ARSK: variants seen among roughly 807,000 people sequenced by gnomAD.
ARSK encodes the protein arylsulfatase K.
A neutral mutation model predicts 53.2 loss-of-function variants in ARSK; 37 were observed. The observed-to-expected ratio is 0.70, with a 90% CI of 0.54 to 0.92. The LOEUF (loss-of-function observed/expected upper bound fraction) is 0.92, where lower values mean the gene tolerates loss of function less well. ARSK is among the 40% of genes least tolerant of loss of function. The probability of loss-of-function intolerance (pLI) is 0.00; values close to 1 mark genes in which losing one functional copy is unlikely to be tolerated. For missense variants in ARSK, 613 were observed against 643.0 expected, an observed-to-expected ratio of 0.95 and a Z score of 0.51; for synonymous variants, 208 against 223.2, an observed-to-expected ratio of 0.93 and a Z score of 0.61.
At position 95,566,839 on chromosome 5, in the gene ARSK, T is replaced by A. The variant is rs149880983; in HGVS notation, c.256+712T>A. ...ATGGCACTCAGTGATTTGGTTTGTC[T>A]GTAAATGAGATGATTTTCTCTGTGA... is the stretch of plus-strand genomic sequence containing the variant. On this transcript the variant is annotated intron_variant, in intron 2 of 7. Coordinates refer to ENST00000380009, the MANE Select transcript of ARSK (RefSeq NM_198150.3). 3.3e-4 allele frequency among the ~76,000 whole-genome samples: 51 copies of A among 152,304 alleles called. 1 individual carries two copies. Among genetic ancestry groups the A allele is most frequent in the Middle Eastern group, 3.4e-3 (1 of 294 alleles).
At chr5:95,568,122 T>C (rs1055311079) in intron 3 of ARSK, 73 bp downstream of exon 3, 1 of 1,420,030 alleles carries the variant, frequency 7.0e-7, no homozygotes, top group African/African-American at 1.4e-5. Context: ...TTTTTGACTT[T>C]AATTTTTTTA....
intron 6 of ARSK, among the ~76,000 whole-genome samples, chr5:95,592,476 C>T (rs1252326829): frequency 6.6e-6 from 1 of 152,078 alleles, no homozygotes; most frequent in Non-Finnish European, 1.5e-5. Context: ...TAATTTAAAC[C>T]AGCGTCCTTT....
At position 95,565,555 on chromosome 5, in the gene ARSK, C is replaced by T. The variant is rs562866107; in HGVS notation, c.127-443C>T. ...AGGTCTCTCTTGTCCTTCTGTATCT[C>T]GGATTTTTTTCAAAGCACACGTCAT... On this transcript the variant is annotated intron_variant, in intron 1 of 7. Coordinates refer to ENST00000380009, the MANE Select transcript of ARSK (RefSeq NM_198150.3). Among the ~76,000 whole-genome samples the T allele has an allele frequency of 8.1e-4, 123 of 152,222 alleles. 1 individual carries two copies. Among genetic ancestry groups the T allele is most frequent in the African/African-American group, 2.9e-3 (120 of 41,526 alleles).
At chr5:95,573,198 G>C (rs1190793320) in intron 3 of ARSK, among the ~76,000 whole-genome samples, 1 of 151,936 alleles carries the variant, frequency 6.6e-6, no homozygotes, top group Non-Finnish European at 1.5e-5. Context: ...CATATTCTAA[G>C]GGATCAAATC....
At chr5:95,565,963 T>C in intron 1 of ARSK, 35 bp from the exon 2 acceptor site, 1 of 1,555,988 alleles carries the variant, frequency 6.4e-7, no homozygotes, top group Non-Finnish European at 8.7e-7. Flanking sequence ...TCTTTGGTAA[T>C]GTAATCAATG....
At position 95,574,993 on chromosome 5, in the gene ARSK, C is replaced by A. The variant is rs111898770; in HGVS notation, c.416+6944C>A. ...ATAGTTTGAGGTCTCAGATTTAAGT[C>A]TTTAATCCATTTTGATTTGATTTTT... is the stretch of plus-strand genomic sequence containing the variant. On this transcript the variant is annotated intron_variant, in intron 3 of 7. Transcript: ENST00000380009. Among the ~76,000 whole-genome samples, 767 of 152,248 alleles carry A rather than the reference C, an allele frequency of 5.0e-3. 4 individuals are homozygous for A. The highest frequency in any genetic ancestry group is 8.6e-3 in the Non-Finnish European group (583 of 68,006).
At chr5:95,574,199 T>C (rs1748884659) in intron 3 of ARSK, among the ~76,000 whole-genome samples, 1 of 152,240 alleles carries the variant, frequency 6.6e-6, no homozygotes, top group African/African-American at 2.4e-5. Context: ...TATAGCTGAA[T>C]AGTACTCCAT....
intron 3 of ARSK, among the ~76,000 whole-genome samples, chr5:95,579,380 G>C (rs533259683): frequency 2.6e-5 from 4 of 152,316 alleles, no homozygotes; most frequent in Admixed American, 1.3e-4. Flanking sequence ...GGTGGAAGGT[G>C]AAAGGCACAT....
intron 3 of ARSK, among the ~76,000 whole-genome samples, chr5:95,573,695 A>G (rs1157787575): frequency 1.3e-5 from 2 of 152,204 alleles, no homozygotes; most frequent in Non-Finnish European, 2.9e-5. Context: ...ATGTAGGTTA[A>G]TATTTTTCTA....
chr5:95,578,923 T>C (rs919373467), intron 3 of ARSK, among the ~76,000 whole-genome samples: 1 of 152,180 alleles, frequency 6.6e-6, no homozygotes, highest in Non-Finnish European at 1.5e-5. Flanking sequence ...AAAAATTAGT[T>C]GGTAATGTGT....
chr5:95,599,269 A>G (rs1360953144), intron 6 of ARSK, among the ~76,000 whole-genome samples: 2 of 152,236 alleles, frequency 1.3e-5, no homozygotes, highest in East Asian at 3.8e-4. Flanking sequence ...CCTTAGGAAA[A>G]TTAAGAATGG....
intron 3 of ARSK, chr5:95,581,042 G>A (rs1027336843): frequency 1.2e-5 from 7 of 603,246 alleles, no homozygotes; most frequent in Non-Finnish European, 1.8e-5. Flanking sequence ...AGCAATTATG[G>A]GAATCATGCT....
chr5:95,596,836 A>T (rs1303011040), intron 6 of ARSK, among the ~76,000 whole-genome samples: 1 of 152,146 alleles, frequency 6.6e-6, no homozygotes, highest in Non-Finnish European at 1.5e-5. Flanking sequence ...GTCATTTTTT[A>T]AAAGGTATTT....
In ARSK at chr5:95,604,907, C is replaced by T. The variant is rs1251716089; in HGVS notation, c.*1381C>T. ...TTGTAAGAGATCCTGCAAATATCTT[C>T]TTTCCAGTTTGTCATTGTCATTTGT... On this transcript the variant is annotated 3_prime_UTR_variant, in exon 8 of 8. Transcript: ENST00000380009. The T allele has an allele frequency of 2.0e-5, 3 of 152,168 alleles. No homozygotes were observed. Among genetic ancestry groups the T allele is most frequent in the Non-Finnish European group, 4.4e-5 (3 of 68,036 alleles). 9.4% of individuals were successfully genotyped at this position (152,168 alleles called of 1,614,324 possible). A position where few individuals can be genotyped will look rare whatever the true frequency, so the allele number is the denominator to read the frequency against.
At chr5:95,564,747 A>C (rs1748699404) in intron 1 of ARSK, among the ~76,000 whole-genome samples, 1 of 151,898 alleles carries the variant, frequency 6.6e-6, no homozygotes, top group African/African-American at 2.4e-5. Context: ...CTGTCATGGC[A>C]CTCGGTCTCC....
chr5:95,587,198 C>A (rs1265442761), intron 5 of ARSK, among the ~76,000 whole-genome samples: 2 of 152,130 alleles, frequency 1.3e-5, no homozygotes, highest in African/African-American at 4.8e-5. Flanking sequence ...AAAGTTTCTC[C>A]ATGTATATTC....
chr5:95,571,518 T>C (rs1455211923), intron 3 of ARSK, among the ~76,000 whole-genome samples: 1 of 152,238 alleles, frequency 6.6e-6, no homozygotes, highest in Non-Finnish European at 1.5e-5. Flanking sequence ...TGTATATATC[T>C]ACAACTAATA....
intron 1 of ARSK, among the ~76,000 whole-genome samples, chr5:95,564,135 G>A (rs1002623409): frequency 1.3e-5 from 2 of 151,808 alleles, no homozygotes; most frequent in Non-Finnish European, 2.9e-5. Context: ...CTGCCACCAC[G>A]CCTAGCTAAT....
At chr5:95,597,632 G>A (rs1259004575) in intron 6 of ARSK, among the ~76,000 whole-genome samples, 4 of 152,026 alleles carry the variant, frequency 2.6e-5, no homozygotes, top group African/African-American at 7.3e-5. Context: ...GGTGGCTCAC[G>A]CCTGTAATCC....
Sources: allele counts gnomAD v4.1 joint callset (sites outside exome capture counted in the v4.1 genomes callset), GRCh38; gene constraint gnomAD v4.1.1; transcripts MANE v1.5; gene names NCBI Gene and HGNC (gene_info 2026-07-23, HGNC 2026-07-21).